FAM13C: variants seen among roughly 807,000 people sequenced by gnomAD.
FAM13C encodes the protein protein FAM13C.
A neutral mutation model predicts 73.2 loss-of-function variants in FAM13C; 37 were observed. The ratio of observed to expected loss-of-function variants is 0.51; its 90% CI spans 0.39 to 0.67. The LOEUF (loss-of-function observed/expected upper bound fraction) is 0.67. FAM13C is among the 30% of genes least tolerant of loss of function. FAM13C has a pLI of 0.00. For synonymous variants in FAM13C, 246 were observed against 260.9 expected (o/e 0.94, Z 0.55); for missense variants, 589 against 715.6 (o/e 0.82, Z 2.02).
chr10:59,351,202 C>G (rs995748380), intron 3 of FAM13C, among the ~76,000 whole-genome samples: 1 of 151,698 alleles, frequency 6.6e-6, no homozygotes, highest in Non-Finnish European at 1.5e-5. Context: ...CACGGTGGCT[C>G]ACACCTGTAG....
intron 3 of FAM13C, among the ~76,000 whole-genome samples, chr10:59,330,583 G>A (rs1471763498): frequency 1.3e-5 from 2 of 152,156 alleles, no homozygotes; most frequent in Non-Finnish European, 2.9e-5. Flanking sequence ...TAATGAGCTA[G>A]AGATTGGAGG....
chr10:59,317,349 T>C (rs1444924579), intron 4 of FAM13C, among the ~76,000 whole-genome samples: 6 of 152,178 alleles, frequency 3.9e-5, no homozygotes, highest in Non-Finnish European at 8.8e-5. Flanking sequence ...ATACATTCTC[T>C]GTCTCCTATA....
chr10:59,323,500 C>A (rs1263509764), intron 4 of FAM13C: 1 of 166,942 alleles, frequency 6.0e-6, no homozygotes, highest in Non-Finnish European at 1.3e-5. Flanking sequence ...AATTCTGGCT[C>A]AGTCCTTTTC....
chr10:59,301,491 C>T (rs1278054625), intron 5 of FAM13C, among the ~76,000 whole-genome samples: 1 of 152,250 alleles, frequency 6.6e-6, no homozygotes, highest in Non-Finnish European at 1.5e-5. Flanking sequence ...TAGCTTTTCA[C>T]AACTGAGATT....
Position 59,346,162 on chromosome 10 carries a change from C to T in FAM13C, c.324+6108G>A, listed in dbSNP as rs534323480. Among the ~76,000 whole-genome samples, 24 of 151,794 alleles carry T rather than the reference C, an allele frequency of 1.6e-4. 2 individuals carry two copies. In the South Asian group the frequency reaches 4.0e-3, roughly 25 times the overall value. Reference sequence around the variant, plus strand: ...TCAAGAAAAAAATGCATATAAAGTACGTCCATAATTGAAAACATAATCTTA... The same window carrying T: ...TCAAGAAAAAAATGCATATAAAGTATGTCCATAATTGAAAACATAATCTTA... On this transcript the variant is annotated intron_variant, in intron 3 of 13. Coordinates refer to ENST00000618804, the MANE Select transcript of FAM13C (RefSeq NM_198215.4).
At chr10:59,272,506 G>T (rs1563824) in intron 6 of FAM13C, among the ~76,000 whole-genome samples, 1 of 152,040 alleles carries the variant, frequency 6.6e-6, no homozygotes. Context: ...TCCAGACCCT[G>T]CTTCCCAGTA....
intron 13 of FAM13C, 36 bp from the exon 14 acceptor site, chr10:59,247,773 A>C: frequency 6.3e-7 from 1 of 1,589,746 alleles, no homozygotes; most frequent in Non-Finnish European, 8.6e-7. Flanking sequence ...GTTCACAATG[A>C]ATCAAGTCAT....
intron 6 of FAM13C, among the ~76,000 whole-genome samples, chr10:59,277,960 C>T (rs1011509021): frequency 2.0e-5 from 3 of 152,198 alleles, no homozygotes; most frequent in Non-Finnish European, 4.4e-5. Flanking sequence ...CTGATAAAGA[C>T]ATACCCAAGA....
chr10:59,331,153 AGGT>A (rs1330642856), intron 3 of FAM13C, among the ~76,000 whole-genome samples: 1 of 152,202 alleles, frequency 6.6e-6, no homozygotes, highest in Admixed American at 6.5e-5. Context: ...GGGATGGAAG[AGGT>A]GGCAAGACAC....
chr10:59,269,210 A>T (rs1843419610), intron 7 of FAM13C, among the ~76,000 whole-genome samples: 1 of 152,100 alleles, frequency 6.6e-6, no homozygotes, highest in South Asian at 2.1e-4. Context: ...TAGATAGTTC[A>T]TGGACCCAGG....
At chr10:59,344,317 C>T (rs287154) in intron 3 of FAM13C, among the ~76,000 whole-genome samples, 2 of 145,576 alleles carry the variant, frequency 1.4e-5, no homozygotes, top group African/African-American at 5.1e-5. Flanking sequence ...CTCGCTCTGT[C>T]GCCCAGGCTG....
intron 4 of FAM13C, among the ~76,000 whole-genome samples, chr10:59,305,540 A>G (rs138138398): frequency 6.6e-6 from 1 of 152,336 alleles, no homozygotes; most frequent in Admixed American, 6.5e-5. Context: ...TGTCCTCTAA[A>G]TGGGCAACAA....
chr10:59,258,088 G>A (rs961592700), intron 10 of FAM13C, among the ~76,000 whole-genome samples: 1 of 152,074 alleles, frequency 6.6e-6, no homozygotes, highest in Non-Finnish European at 1.5e-5. Flanking sequence ...AGAATGATAA[G>A]CTCTCTATGT....
intron 6 of FAM13C, among the ~76,000 whole-genome samples, chr10:59,273,919 A>G (rs1844009293): frequency 6.6e-6 from 1 of 152,178 alleles, no homozygotes; most frequent in South Asian, 2.1e-4. Context: ...ACCTAAGTAA[A>G]TCTCTATCTG....
rs113771570 is a variant in FAM13C, at chr10:59,291,948, C to T, written c.508-8501G>A. On this transcript the variant is annotated intron_variant, in intron 5 of 13. Transcript: ENST00000618804. ...GGACTACAGGCGCCCACCATCACGCCTGGCGAATTTTTTATATTTTTAGTA... is the reference window on the plus strand; with the variant it reads ...GGACTACAGGCGCCCACCATCACGCTTGGCGAATTTTTTATATTTTTAGTA... Among the ~76,000 whole-genome samples the T allele has an allele frequency of 7.2e-5, 11 of 152,046 alleles. 1 individual carries two copies. The highest frequency in any genetic ancestry group is 2.7e-4 in the African/African-American group (11 of 41,452).
intron 4 of FAM13C, among the ~76,000 whole-genome samples, chr10:59,313,372 C>A (rs1485305708): frequency 1.3e-5 from 2 of 152,174 alleles, no homozygotes; most frequent in African/African-American, 4.8e-5. Flanking sequence ...ACTTGTCATG[C>A]AATAGCCTGG....
intron 6 of FAM13C, chr10:59,282,809 G>A (rs1845083829): frequency 6.6e-6 from 1 of 150,740 alleles, no homozygotes; most frequent in South Asian, 2.1e-4. Context: ...CTCAATTTGG[G>A]ACTTTTTGAC....
chr10:59,280,776 G>A (rs1015933524), intron 6 of FAM13C, among the ~76,000 whole-genome samples: 10 of 152,158 alleles, frequency 6.6e-5, no homozygotes, highest in Non-Finnish European at 1.3e-4. Flanking sequence ...CTAGGACAGG[G>A]GAGCATGTCA....
At chr10:59,361,211 TG>T in intron 1 of FAM13C, 1 of 787,462 alleles carries the variant, frequency 1.3e-6, no homozygotes, top group Non-Finnish European at 1.8e-6. Flanking sequence ...AAGTCAATCC[TG>T]TTTTTTTTTT....
Sources: gnomAD v4.1 joint callset for allele counts (sites outside exome capture counted in the v4.1 genomes callset) on GRCh38, gnomAD v4.1.1 for gene constraint, MANE v1.5 for transcripts, NCBI Gene and HGNC (gene_info 2026-07-23, HGNC 2026-07-21) for gene names.